CACNA2D3: variants seen among roughly 807,000 people sequenced by gnomAD.
The protein encoded by CACNA2D3 is voltage-dependent calcium channel subunit alpha-2/delta-3.
CACNA2D3 carries 60 observed loss-of-function variants against 160.6 expected under a neutral mutation model. That is an observed-to-expected ratio of 0.37 (90% CI 0.30 to 0.46). CACNA2D3 has a LOEUF of 0.46. Among genes scored for constraint, CACNA2D3 ranks in the 20% least tolerant of loss-of-function variants. CACNA2D3 has a pLI of 1.00. For missense variants in CACNA2D3, 1,205 were observed against 1,365.0 expected, an observed-to-expected ratio of 0.88 and a Z score of 1.85; for synonymous variants, 558 against 492.9, an observed-to-expected ratio of 1.13 and a Z score of -1.75.
chr3:54,137,238 A>G (rs944549300), intron 2 of CACNA2D3, among the ~76,000 whole-genome samples: 2 of 152,204 alleles, frequency 1.3e-5, no homozygotes, highest in African/African-American at 2.4e-5. Flanking sequence ...AGCAAGTCAG[A>G]CATTTTATCT....
chr3:54,803,582 G>A (rs1395838115), intron 13 of CACNA2D3, among the ~76,000 whole-genome samples: 3 of 152,204 alleles, frequency 2.0e-5, no homozygotes, highest in Non-Finnish European at 4.4e-5. Flanking sequence ...CATCTGATTG[G>A]TGTACCTGAA....
intron 2 of CACNA2D3, among the ~76,000 whole-genome samples, chr3:54,281,966 A>T (rs1455082797): frequency 3.3e-5 from 5 of 152,218 alleles, no homozygotes; most frequent in Admixed American, 3.3e-4. Flanking sequence ...CTCTCCCGAC[A>T]TTTATAAAAT....
chr3:54,879,371 A>G lies in CACNA2D3; in HGVS notation c.1804A>G (p.Asn602Asp). 2 of 1,609,974 alleles carry G rather than the reference A, an allele frequency of 1.2e-6. No homozygotes were observed. Among genetic ancestry groups the G allele is most frequent in the South Asian group, 1.1e-5 (1 of 89,724 alleles). Reference protein sequence around the residue: ...DKGKRVLVMTNDYYYTDIKGT... With the variant: ...DKGKRVLVMTDDYYYTDIKGT... ...CTAGAAACGGGTTTTGGTGATGACA[A>G]ATGACTACTATTATACAGACATCAA... Residue 602 changes from asparagine to aspartate, a missense_variant, in exon 20 of 38, where the codon AAT (asparagine) becomes GAT (aspartate). Physicochemically the swap from Asn to Asp is conservative, Grantham distance 23. Transcript: ENST00000474759.
chr3:54,387,658 A>AG (rs1553643352), intron 4 of CACNA2D3, among the ~76,000 whole-genome samples: 48 of 151,148 alleles, frequency 3.2e-4, no homozygotes, highest in African/African-American at 1.1e-3. Context: ...TCTCAAATAA[A>AG]TAAGTAAGTA....
intron 9 of CACNA2D3, among the ~76,000 whole-genome samples, chr3:54,590,044 C>T (rs1322397941): frequency 1.3e-5 from 2 of 152,186 alleles, no homozygotes; most frequent in East Asian, 1.9e-4. Flanking sequence ...TCAGCAATTG[C>T]ATCCTTGGCA....
At chr3:54,407,117 C>T (rs192820372) in intron 4 of CACNA2D3, among the ~76,000 whole-genome samples, 1 of 152,196 alleles carries the variant, frequency 6.6e-6, no homozygotes, top group East Asian at 1.9e-4. Flanking sequence ...ACTATTCTCA[C>T]TGGGGGTTTT....
At chr3:54,372,949 T>C (rs1299807220) in intron 3 of CACNA2D3, among the ~76,000 whole-genome samples, 1 of 152,238 alleles carries the variant, frequency 6.6e-6, no homozygotes, top group Non-Finnish European at 1.5e-5. Flanking sequence ...TTCAGGCACA[T>C]ACATTTCATT....
chr3:54,594,187 G>A (rs1210636527), intron 9 of CACNA2D3, among the ~76,000 whole-genome samples: 1 of 152,064 alleles, frequency 6.6e-6, no homozygotes, highest in Non-Finnish European at 1.5e-5. Flanking sequence ...AAATTTTTTT[G>A]TTAAGGGCCT....
At chr3:54,898,733 G>A (rs1700257306) in intron 26 of CACNA2D3, among the ~76,000 whole-genome samples, 1 of 152,164 alleles carries the variant, frequency 6.6e-6, no homozygotes, top group Non-Finnish European at 1.5e-5. Flanking sequence ...TTGTTGGATT[G>A]GTTTTTGGTA....
At chr3:55,006,213 G>A (rs1267878096) in intron 32 of CACNA2D3, among the ~76,000 whole-genome samples, 1 of 152,154 alleles carries the variant, frequency 6.6e-6, no homozygotes, top group African/African-American at 2.4e-5. Flanking sequence ...AGATGATAAT[G>A]TGCATTTAAA....
At chr3:54,713,926 G>T (rs1701000947) in intron 11 of CACNA2D3, among the ~76,000 whole-genome samples, 1 of 152,276 alleles carries the variant, frequency 6.6e-6, no homozygotes, top group Non-Finnish European at 1.5e-5. Context: ...ATTGTGTGGA[G>T]AATGTAGCCA....
At position 54,891,342 on chromosome 3, in the gene CACNA2D3, T is replaced by A; in HGVS notation, c.2151-13T>A. On this transcript the variant is annotated splice_polypyrimidine_tract_variant and intron_variant, in intron 24 of 37. Transcript: ENST00000474759. The stretch of plus-strand genomic sequence containing the variant: ...CTAGAGGCCTCCCCCTGACGTCTGT[T>A]GTTCTGTTTCAGAAATTCTGACAAG... 6.2e-7 allele frequency: 1 copy of A among 1,605,212 alleles called. No homozygotes were observed. Among genetic ancestry groups the A allele is most frequent in the Non-Finnish European group, 8.5e-7 (1 of 1,171,960 alleles).
chr3:54,754,551 C>G (rs1701935580), intron 12 of CACNA2D3, among the ~76,000 whole-genome samples: 1 of 152,224 alleles, frequency 6.6e-6, no homozygotes, highest in Non-Finnish European at 1.5e-5. Context: ...TCCATGAGAG[C>G]AGCCTTTGAC....
chr3:54,899,731 T>G, intron 26 of CACNA2D3, 57 bp from the exon 27 acceptor site: 4 of 1,257,478 alleles, frequency 3.2e-6, no homozygotes, highest in Middle Eastern at 1.8e-4. Context: ...GATTACTCTC[T>G]TAACGTGTAC....
At chr3:54,361,045 G>A (rs1338789517) in intron 3 of CACNA2D3, among the ~76,000 whole-genome samples, 1 of 152,030 alleles carries the variant, frequency 6.6e-6, no homozygotes, top group Non-Finnish European at 1.5e-5. Context: ...ATTTTTGGTA[G>A]CAAGTGTTAA....
chr3:54,221,161 C>T (rs1701562079), intron 2 of CACNA2D3, among the ~76,000 whole-genome samples: 1 of 152,198 alleles, frequency 6.6e-6, no homozygotes. Context: ...GATATTAGCA[C>T]CCACCTGTGG....
intron 14 of CACNA2D3, among the ~76,000 whole-genome samples, chr3:54,822,379 G>T (rs759570791): frequency 1.3e-5 from 2 of 152,166 alleles, no homozygotes; most frequent in Non-Finnish European, 2.9e-5. Context: ...ATGGCATATT[G>T]CCCAACCCTA....
intron 35 of CACNA2D3, among the ~76,000 whole-genome samples, chr3:55,040,160 C>A (rs1703926318): frequency 6.6e-6 from 1 of 152,150 alleles, no homozygotes; most frequent in East Asian, 1.9e-4. Flanking sequence ...CTGGTTTCTT[C>A]TTAGGAGAGC....
chr3:54,522,933 T>TTACTTAC (rs1559503842), intron 5 of CACNA2D3, among the ~76,000 whole-genome samples: 3,491 of 135,328 alleles, frequency 0.026, 70 homozygotes, highest in African/African-American at 0.061. Context: ...TATTTATTTA[T>TTACTTAC]TTACTTACTT....
Sources: allele counts gnomAD v4.1 joint callset (sites outside exome capture counted in the v4.1 genomes callset), GRCh38; gene constraint gnomAD v4.1.1; transcripts MANE v1.5; gene names NCBI Gene and HGNC (gene_info 2026-07-23, HGNC 2026-07-21).